The following CHST1 variants were observed in gnomAD, a reference collection of about 807,000 sequenced individuals.
CHST1 encodes Keratan sulfotransferase.
Under a neutral mutation model 22.5 loss-of-function variants are expected in CHST1, and 10 were observed. The ratio of observed to expected loss-of-function variants is 0.44; its 90% CI spans 0.27 to 0.75. The LOEUF (loss-of-function observed/expected upper bound fraction) is 0.75, where lower values mean the gene tolerates loss of function less well. Ranked by LOEUF, CHST1 falls within the 30% of genes least tolerant of loss-of-function variation. The pLI, the probability that CHST1 is intolerant of heterozygous loss-of-function variation, is 0.15. For missense variants in CHST1, 439 were observed against 576.1 expected, an observed-to-expected ratio of 0.76 and a Z score of 2.44; for synonymous variants, 267 against 264.5, an observed-to-expected ratio of 1.01 and a Z score of -0.09.
intron 1 of CHST1, among the ~76,000 whole-genome samples, chr11:45,655,382 G>T (rs570039748): frequency 3.4e-4 from 52 of 152,318 alleles, no homozygotes; most frequent in Admixed American, 1.2e-3. Flanking sequence ...CTCCTCTCCC[G>T]GCCTGGGAAC....
At chr11:45,653,045 T>C (rs1852016738) in intron 1 of CHST1, among the ~76,000 whole-genome samples, 1 of 152,374 alleles carries the variant, frequency 6.6e-6, no homozygotes, top group South Asian at 2.1e-4. Context: ...TCCTCCCCTT[T>C]GCTGTCTGGT....
At position 45,647,714 on chromosome 11, in the gene CHST1, T is replaced by G. The variant is rs898648287; in HGVS notation, c.*1974A>C. ...TGGTGGCACACGTTGTGAATGTATTTAATGAATGGTACACCTTAAAAAGGT... is the reference window on the plus strand; with the variant it reads ...TGGTGGCACACGTTGTGAATGTATTGAATGAATGGTACACCTTAAAAAGGT... On this transcript the variant is annotated 3_prime_UTR_variant, in exon 4 of 4. Coordinates refer to ENST00000308064, the MANE Select transcript of CHST1 (RefSeq NM_003654.6). 3.3e-5 allele frequency among the ~76,000 whole-genome samples: 5 copies of G among 152,248 alleles called. No homozygotes were observed. Among genetic ancestry groups the G allele is most frequent in the Non-Finnish European group, 7.3e-5 (5 of 68,036 alleles).
Position 45,649,638 on chromosome 11 carries a change from T to G in CHST1, c.*50A>C. 6.7e-7 allele frequency: 1 copy of G among 1,500,658 alleles called. No individual in the cohort carries two copies. Among genetic ancestry groups the G allele is most frequent in the African/African-American group, 1.4e-5 (1 of 71,706 alleles). The allele number at this position is 1,500,658 out of a possible 1,614,324, so 93.0% of individuals were successfully genotyped here. A position where few individuals can be genotyped will look rare whatever the true frequency, so the allele number is the denominator to read the frequency against. On this transcript the variant is annotated 3_prime_UTR_variant, in exon 4 of 4. Transcript: ENST00000308064. Reference sequence around the variant, plus strand: ...AGGCAACAGTTAAAAACGGTCCATTTTATCAAAACCGACACCTTGCGCCTC... The same window carrying G: ...AGGCAACAGTTAAAAACGGTCCATTGTATCAAAACCGACACCTTGCGCCTC...
chr11:45,656,327 A>G (rs1852062071), intron 1 of CHST1, among the ~76,000 whole-genome samples: 1 of 152,240 alleles, frequency 6.6e-6, no homozygotes, highest in Admixed American at 6.5e-5. Flanking sequence ...CCAACCGACT[A>G]TATCAGAGAA....
rs1852183568 is a variant in CHST1, at chr11:45,665,180, G to C, written c.-229C>G. Reference sequence around the variant, plus strand: ...AGCCCGCGGGGCCCGGCCAATACCTGGTCGGGGACGCGCCGGGAGCAGCTG... The same window carrying C: ...AGCCCGCGGGGCCCGGCCAATACCTCGTCGGGGACGCGCCGGGAGCAGCTG... On this transcript the variant is annotated splice_region_variant and 5_prime_UTR_variant, in exon 1 of 4. Coordinates refer to ENST00000308064, the MANE Select transcript of CHST1 (RefSeq NM_003654.6). The surrounding 1 kb of genome is among the most constrained non-coding windows in gnomAD (Gnocchi z 4.0). The C allele has an allele frequency of 6.6e-6, 1 of 151,624 alleles. No individual in the cohort carries two copies. The highest frequency in any genetic ancestry group is 1.5e-5 in the Non-Finnish European group (1 of 67,844). 9.4% of individuals were successfully genotyped at this position (151,624 alleles called of 1,614,324 possible). A position where few individuals can be genotyped will look rare whatever the true frequency, so the allele number is the denominator to read the frequency against.
intron 1 of CHST1, among the ~76,000 whole-genome samples, chr11:45,660,377 C>G (rs1009735294): frequency 6.6e-6 from 1 of 152,222 alleles, no homozygotes; most frequent in African/African-American, 2.4e-5. Flanking sequence ...TCCATCCCCA[C>G]TCTGACCTCC....
intron 1 of CHST1, among the ~76,000 whole-genome samples, chr11:45,653,477 A>T (rs1198226688): frequency 6.6e-6 from 1 of 152,106 alleles, no homozygotes; most frequent in African/African-American, 2.4e-5. Context: ...GCTGGCCTCC[A>T]TCATGGGGCT....
intron 1 of CHST1, among the ~76,000 whole-genome samples, chr11:45,659,507 G>T (rs540395340): frequency 6.6e-6 from 1 of 152,294 alleles, no homozygotes; most frequent in East Asian, 1.9e-4. Flanking sequence ...CACTGGTGGG[G>T]CTTGAGGGCT....
rs868000177 is a variant in CHST1, at chr11:45,665,472, G to A, written c.-521C>T. The A allele has an allele frequency of 3.3e-5, 5 of 151,664 alleles. No homozygotes were observed. Among genetic ancestry groups the A allele is most frequent in the African/African-American group, 1.2e-4 (5 of 41,320 alleles). 9.4% of individuals were successfully genotyped at this position (151,664 alleles called of 1,614,324 possible). On this transcript the variant is annotated 5_prime_UTR_variant, in exon 1 of 4. Transcript: ENST00000308064. The surrounding 1 kb of genome is among the most constrained non-coding windows in gnomAD (Gnocchi z 4.0). The stretch of plus-strand genomic sequence containing the variant: ...ACCCGGGGCCGGGGCTCAGGGACCC[G>A]AGAGATGCCGGGACAGGGGCCGGGA...
At position 45,649,251 on chromosome 11, in the gene CHST1, A is replaced by G; in HGVS notation, c.*437T>C. 1 of 163,102 alleles carries G rather than the reference A, an allele frequency of 6.1e-6. No individual in the cohort carries two copies. The highest frequency in any genetic ancestry group is 1.3e-5 in the Non-Finnish European group (1 of 75,500). The allele number at this position is 163,102 out of a possible 1,614,324, so 10.1% of individuals were successfully genotyped here. A position where few individuals can be genotyped will look rare whatever the true frequency, so the allele number is the denominator to read the frequency against. ...AAAGGATGGACACCATTCATAAATTAGAGACAAGTGGTCCTCTTGTTTGTA... is the reference window on the plus strand; with the variant it reads ...AAAGGATGGACACCATTCATAAATTGGAGACAAGTGGTCCTCTTGTTTGTA... On this transcript the variant is annotated 3_prime_UTR_variant, in exon 4 of 4. Coordinates refer to ENST00000308064, the MANE Select transcript of CHST1 (RefSeq NM_003654.6).
chr11:45,654,576 A>G (rs1407357006), intron 1 of CHST1, among the ~76,000 whole-genome samples: 3 of 152,238 alleles, frequency 2.0e-5, no homozygotes, highest in Non-Finnish European at 4.4e-5. Context: ...GTTGTTCCCA[A>G]GGAAGCCTTA....
Position 45,650,599 on chromosome 11 carries a change from T to C in CHST1, c.325A>G (p.Ser109Gly). The C allele has an allele frequency of 6.2e-7, 1 of 1,613,998 alleles. No individual in the cohort carries two copies. The highest frequency in any genetic ancestry group is 8.5e-7 in the Non-Finnish European group (1 of 1,179,980). Residue 109 changes from serine to glycine, a missense_variant, in exon 4 of 4, where the codon AGC becomes GGC. Transcript: ENST00000308064. The part of the protein sequence containing the change: ...TLIPRFTQGK[S>G]PADRRVMLGA... ...AGCATGACCCGCCGGTCGGCCGGGCTCTTGCCCTGGGTGAAGCGGGGGATG... is the reference window on the plus strand; with the variant it reads ...AGCATGACCCGCCGGTCGGCCGGGCCCTTGCCCTGGGTGAAGCGGGGGATG...
chr11:45,656,729 C>G (rs564140099), intron 1 of CHST1, among the ~76,000 whole-genome samples: 61 of 149,926 alleles, frequency 4.1e-4, no homozygotes, highest in South Asian at 3.4e-3. Context: ...CCCTCCCCCC[C>G]CAGGCACTGC....
intron 1 of CHST1, among the ~76,000 whole-genome samples, chr11:45,652,855 C>T (rs1369553929): frequency 6.6e-6 from 1 of 152,216 alleles, no homozygotes; most frequent in Non-Finnish European, 1.5e-5. Context: ...CCTGCTTTAA[C>T]CCCCATCTGG....
Position 45,650,169 on chromosome 11 carries a change from CGGTACGTGTCGCGGAA to C in CHST1, c.739_754del (p.Phe247GlyfsTer18). On this transcript the variant is annotated frameshift_variant, in exon 4 of 4. Transcript: ENST00000308064. LOFTEE classifies it high-confidence loss of function. ...GGTGCCGTACCAGAGCCGCCAGAGCCGGTACGTGTCGCGGAAGGTCTCGCTGCGCGAAGCCAGAATG... is the reference window on the plus strand; with the variant it reads ...GGTGCCGTACCAGAGCCGCCAGAGCCGGTCTCGCTGCGCGAAGCCAGAATG... 6.2e-7 allele frequency: 1 copy of C among 1,613,314 alleles called. No homozygotes were observed. The highest frequency in any genetic ancestry group is 8.5e-7 in the Non-Finnish European group (1 of 1,180,028).
intron 1 of CHST1, among the ~76,000 whole-genome samples, chr11:45,663,789 A>T (rs947740457): frequency 6.6e-6 from 1 of 152,110 alleles, no homozygotes; most frequent in African/African-American, 2.4e-5. Flanking sequence ...GCAGGGGTTC[A>T]AGGCTCAAGG....
In CHST1 at chr11:45,647,745, T is replaced by C. The variant is rs1177008178; in HGVS notation, c.*1943A>G. ...ATGGTACACCTTAAAAAGGTTAAGA[T>C]GGTAAATTTTACATTCTGTTATTTT... On this transcript the variant is annotated 3_prime_UTR_variant, in exon 4 of 4. Coordinates refer to ENST00000308064, the MANE Select transcript of CHST1 (RefSeq NM_003654.6). Among the ~76,000 whole-genome samples the C allele has an allele frequency of 6.6e-6, 1 of 152,234 alleles. No homozygotes were observed. Among genetic ancestry groups the C allele is most frequent in the Non-Finnish European group, 1.5e-5 (1 of 68,030 alleles).
chr11:45,650,143 C>A lies in CHST1; in HGVS notation c.781G>T (p.Gly261Trp). 6.2e-7 allele frequency: 1 copy of A among 1,613,784 alleles called. No individual in the cohort carries two copies. The change falls in exon 4 of 4, where the codon GGG (glycine) becomes TGG (tryptophan). Residue 261 changes from glycine (G) to tryptophan (W), a missense_variant. Coordinates refer to ENST00000308064, the MANE Select transcript of CHST1 (RefSeq NM_003654.6). Reference protein sequence around the residue: ...YRLWRLWYGTGRKPYNLDVTQ... With the variant: ...YRLWRLWYGTWRKPYNLDVTQ... ...ACGTCCAGGTTGTAGGGTTTCCTCCCGGTGCCGTACCAGAGCCGCCAGAGC... is the reference window on the plus strand; with the variant it reads ...ACGTCCAGGTTGTAGGGTTTCCTCCAGGTGCCGTACCAGAGCCGCCAGAGC...
In CHST1 at chr11:45,659,225, G is replaced by C. The variant is rs185023065; in HGVS notation, c.-227+5953C>G. Among the ~76,000 whole-genome samples, 302 of 152,282 alleles carry C rather than the reference G, an allele frequency of 2.0e-3. 1 individual carries two copies. Among genetic ancestry groups the C allele is most frequent in the African/African-American group, 6.9e-3 (286 of 41,552 alleles). ...TCAGCAAGTGTGGGAACTTGTTCAA[G>C]CACGCACAGCTAGTCTGTGGTGGCG... On this transcript the variant is annotated intron_variant, in intron 1 of 3. Coordinates refer to ENST00000308064, the MANE Select transcript of CHST1 (RefSeq NM_003654.6).
Sources: gnomAD v4.1 joint callset for allele counts (sites outside exome capture counted in the v4.1 genomes callset) on GRCh38, gnomAD v4.1.1 for gene constraint, Gnocchi (gnomAD v3.1) non-coding constraint, MANE v1.5 for transcripts, NCBI Gene and HGNC (gene_info 2026-07-23, HGNC 2026-07-21) for gene names.